MICB: variants seen among roughly 807,000 people sequenced by gnomAD.
MICB encodes MHC class I antigen-related protein B.
In MICB, 27 loss-of-function variants were observed where a neutral mutation model predicts 34.3. The observed-to-expected ratio is 0.79, with a 90% CI of 0.58 to 1.08. MICB has a LOEUF of 1.08. Ranked by LOEUF, MICB falls within the 50% of genes least tolerant of loss-of-function variation. The pLI, the probability that MICB is intolerant of heterozygous loss-of-function variation, is 0.00. For synonymous variants in MICB, 153 were observed against 187.4 expected (o/e 0.82, Z 1.50); for missense variants, 426 against 483.1 (o/e 0.88, Z 1.11).
intron 1 of MICB, among the ~76,000 whole-genome samples, chr6:31,505,254 C>T (rs1229177096): frequency 3.9e-5 from 6 of 152,188 alleles, no homozygotes; most frequent in Admixed American, 3.9e-4. Flanking sequence ...TGAGTCCCTT[C>T]CCATTCCCAC....
At chr6:31,500,438 T>C (rs994793962) in intron 1 of MICB, among the ~76,000 whole-genome samples, 2 of 152,242 alleles carry the variant, frequency 1.3e-5, no homozygotes, top group African/African-American at 4.8e-5. Flanking sequence ...GCATTTATCC[T>C]TTCTTTGTGC....
intron 5 of MICB, 73 bp from the exon 6 acceptor site, chr6:31,509,709 G>C (rs968499173): frequency 1.4e-6 from 2 of 1,466,010 alleles, no homozygotes; most frequent in African/African-American, 2.9e-5. Flanking sequence ...GGCAACTGAA[G>C]AGAGAAAAGT....
intron 5 of MICB, among the ~76,000 whole-genome samples, 167 bp from the exon 6 acceptor site, chr6:31,509,615 A>G (rs1309290047): frequency 2.0e-5 from 3 of 151,746 alleles, no homozygotes; most frequent in Admixed American, 6.6e-5. Flanking sequence ...GAGAGAACTG[A>G]CAGGGGCTGG....
At position 31,506,222 on chromosome 6, in the gene MICB, C is replaced by T. The variant is rs368877373; in HGVS notation, c.405C>T (p.Tyr135=). ...SSTRGSRHFY[Y]DGELFLSQNL... is the part of the protein sequence containing the mutation. ...CCAGGGGCTCCCGGCATTTCTACTA[C>T]GATGGGGAGCTCTTCCTCTCCCAAA... The change falls in exon 3 of 6, where the codon TAC becomes TAT. Residue 135 remains tyrosine, a synonymous_variant. Transcript: ENST00000252229. 4.2e-5 allele frequency: 68 copies of T among 1,614,014 alleles called. No individual in the cohort carries two copies. The African/African-American group carries it at 4.5e-4, about 11-fold the overall frequency.
chr6:31,510,059 C>A lies in MICB; in HGVS notation c.*150C>A. The A allele has an allele frequency of 1.2e-6, 1 of 836,114 alleles. No homozygotes were observed. Among genetic ancestry groups the A allele is most frequent in the Non-Finnish European group, 1.7e-6 (1 of 583,310 alleles). 51.8% of individuals were successfully genotyped at this position (836,114 alleles called of 1,614,324 possible). On this transcript the variant is annotated 3_prime_UTR_variant, in exon 6 of 6. Coordinates refer to ENST00000252229, the MANE Select transcript of MICB (RefSeq NM_005931.5). The stretch of plus-strand genomic sequence containing the variant: ...AGTGTTAGTAGGTATGAGGTGTTTG[C>A]TGCTCTGCCACGTAGAGAGCCAGCA...
In MICB at chr6:31,498,181, C is replaced by G. The variant is rs1294477839; in HGVS notation, c.-13C>G. 4 of 1,574,050 alleles carry G rather than the reference C, an allele frequency of 2.5e-6. No individual in the cohort carries two copies. The highest frequency in any genetic ancestry group is 3.5e-6 in the Non-Finnish European group (4 of 1,157,708). On this transcript the variant is annotated 5_prime_UTR_variant, in exon 1 of 6. Transcript: ENST00000252229. ...CACTGCTGAGCAGCTGAGAAGGTGG[C>G]GACGTAGGGGCCATGGGGCTGGGCC...
rs772143981 is a variant in MICB at position 31,505,637 on chromosome 6, A to C, written c.91A>C (p.Asn31His). The C allele has an allele frequency of 3.7e-6, 6 of 1,612,582 alleles. No individual in the cohort carries two copies. The Admixed American group carries it at 6.7e-5, about 18-fold the overall frequency. Residue 31 changes from asparagine to histidine, a missense_variant, in exon 2 of 6, where the codon AAC becomes CAC. Transcript: ENST00000252229. ...CCCAGAGCCCCACAGTCTTCGTTAC[A>C]ACCTCATGGTGCTGTCCCAGGATGG... ...AAAEPHSLRY[N>H]LMVLSQDGSV...
intron 1 of MICB, among the ~76,000 whole-genome samples, chr6:31,504,345 C>T (rs376705109): frequency 7.0e-6 from 1 of 142,226 alleles, no homozygotes; most frequent in Admixed American, 7.7e-5. Flanking sequence ...CTGCAAGCTC[C>T]GCCCGCTAGC....
Position 31,507,056 on chromosome 6 carries a change from C to G in MICB, c.648C>G (p.Val216=). The change falls in exon 4 of 6, where the codon GTC becomes GTG. Residue 216 remains valine (V), a synonymous_variant. Transcript: ENST00000252229. The surrounding 1 kb of genome is among the most constrained non-coding windows in gnomAD (Gnocchi z 6.0). ...PPMVNVTCSE[V]SEGNITVTCR... ...TGGTGAATGTCACCTGCAGCGAGGT[C>G]TCAGAGGGCAACATCACCGTGACAT... is the stretch of plus-strand genomic sequence containing the variant. 2 of 1,613,932 alleles carry G rather than the reference C, an allele frequency of 1.2e-6. No individual in the cohort carries two copies. The highest frequency in any genetic ancestry group is 1.7e-6 in the Non-Finnish European group (2 of 1,179,840).
intron 1 of MICB, among the ~76,000 whole-genome samples, chr6:31,500,576 C>G (rs1420639699): frequency 6.6e-6 from 1 of 152,172 alleles, no homozygotes; most frequent in African/African-American, 2.4e-5. Context: ...TACCCATTAA[C>G]CATCCGCACT....
chr6:31,501,007 A>G (rs1764992057), intron 1 of MICB, among the ~76,000 whole-genome samples: 1 of 152,194 alleles, frequency 6.6e-6, no homozygotes, highest in Admixed American at 6.5e-5. Context: ...AAGAACCTCC[A>G]CATTATTTCC....
chr6:31,504,254 CTTTTTTTTTTTT>C (rs9281513), intron 1 of MICB, among the ~76,000 whole-genome samples: 4 of 60,268 alleles, frequency 6.6e-5, no homozygotes, highest in Non-Finnish European at 1.2e-4. Context: ...CTCTCTTTTT[CTTTTTTTTTTTT>C]TTTTTTTTTT....
upstream of MICB, among the ~76,000 whole-genome samples, chr6:31,495,980 A>C (rs1470266825): frequency 6.6e-6 from 1 of 152,256 alleles, no homozygotes; most frequent in Non-Finnish European, 1.5e-5. Context: ...CTAGATCAGT[A>C]GTTCTAAAAC....
intron 1 of MICB, among the ~76,000 whole-genome samples, chr6:31,501,635 C>A (rs1291723765): frequency 6.6e-6 from 1 of 152,186 alleles, no homozygotes; most frequent in Non-Finnish European, 1.5e-5. Context: ...GGTCCAGTTT[C>A]ATTCTTCTGC....
At chr6:31,498,350 G>T (rs917611648) in intron 1 of MICB, 87 bp downstream of exon 1, 21 of 1,143,764 alleles carry the variant, frequency 1.8e-5, no homozygotes, top group Non-Finnish European at 2.4e-5. Flanking sequence ...AGCGCTGTGC[G>T]GTCAGGGCGG....
chr6:31,497,738 C>T (rs372274664), upstream of MICB, among the ~76,000 whole-genome samples: 1 of 152,076 alleles, frequency 6.6e-6, no homozygotes, highest in African/African-American at 2.4e-5. Flanking sequence ...TTGTCTGTCC[C>T]GGAAGGAACA....
Position 31,507,217 on chromosome 6 carries a change from C to T in MICB, c.809C>T (p.Thr270Ile). The change falls in exon 4 of 6, where the codon ACC becomes ATC. Residue 270 changes from threonine (T) to isoleucine (I), a missense_variant. Coordinates refer to ENST00000252229, the MANE Select transcript of MICB (RefSeq NM_005931.5). The surrounding 1 kb of genome is among the most constrained non-coding windows in gnomAD (Gnocchi z 6.0). ...GGAACCTACCAGACCTGGGTGGCCA[C>T]CAGGATTCGCCAAGGAGAGGAGCAG... ...GNGTYQTWVATRIRQGEEQRF... is the reference protein window; with the variant it reads ...GNGTYQTWVAIRIRQGEEQRF... 6.2e-7 allele frequency: 1 copy of T among 1,614,040 alleles called. No homozygotes were observed.
Position 31,507,210 on chromosome 6 carries a change from G to T in MICB, c.802G>T (p.Val268Leu), listed in dbSNP as rs764876692. 6.2e-7 allele frequency: 1 copy of T among 1,614,100 alleles called. No homozygotes were observed. The highest frequency in any genetic ancestry group is 1.1e-5 in the South Asian group (1 of 91,082). ...TGGGAATGGAACCTACCAGACCTGGGTGGCCACCAGGATTCGCCAAGGAGA... is the reference window on the plus strand; with the variant it reads ...TGGGAATGGAACCTACCAGACCTGGTTGGCCACCAGGATTCGCCAAGGAGA... ...PDGNGTYQTW[V>L]ATRIRQGEEQ... The change falls in exon 4 of 6, where the codon GTG becomes TTG. Residue 268 changes from valine to leucine, a missense_variant. Coordinates refer to ENST00000252229, the MANE Select transcript of MICB (RefSeq NM_005931.5). This position sits in a 1 kb window ranked among gnomAD's most constrained non-coding sequence, Gnocchi z 6.0.
In MICB at chr6:31,507,635, G is replaced by A; in HGVS notation, c.1024+104G>A. 1 of 1,422,256 alleles carries A rather than the reference G, an allele frequency of 7.0e-7. No individual in the cohort carries two copies. Among genetic ancestry groups the A allele is most frequent in the Non-Finnish European group, 9.7e-7 (1 of 1,026,890 alleles). 88.1% of individuals were successfully genotyped at this position (1,422,256 alleles called of 1,614,324 possible). On this transcript the variant is annotated intron_variant, in intron 5 of 5. Coordinates refer to ENST00000252229, the MANE Select transcript of MICB (RefSeq NM_005931.5). The surrounding 1 kb of genome is among the most constrained non-coding windows in gnomAD (Gnocchi z 6.0). ...CAAGACGTAGGTGACAAGGCTGCTG[G>A]GACAGGGGATGGAAGCTGGGGTATT...
Sources: allele counts gnomAD v4.1 joint callset (sites outside exome capture counted in the v4.1 genomes callset), GRCh38; gene constraint gnomAD v4.1.1; non-coding constraint Gnocchi (gnomAD v3.1); transcripts MANE v1.5; gene names NCBI Gene and HGNC (gene_info 2026-07-23, HGNC 2026-07-21).